Variants in RNLS observed in about 807,000 individuals in gnomAD.
RNLS encodes renalase, FAD dependent amine oxidase, also known as renalase.
In RNLS, 39 loss-of-function variants were observed where a neutral mutation model predicts 39.8. The observed-to-expected ratio is 0.98, with a 90% CI of 0.76 to 1.28. The LOEUF (loss-of-function observed/expected upper bound fraction) is 1.28, where lower values mean the gene tolerates loss of function less well. RNLS is among the 50% of genes most tolerant of loss of function. The probability of loss-of-function intolerance (pLI) is 0.00; values close to 1 mark genes in which losing one functional copy is unlikely to be tolerated. For synonymous variants in RNLS, 147 were observed against 150.7 expected (o/e 0.98, Z 0.18); for missense variants, 410 against 413.3 (o/e 0.99, Z 0.07).
intron 4 of RNLS, among the ~76,000 whole-genome samples, chr10:88,403,442 T>A (rs1853061714): frequency 6.6e-6 from 1 of 152,068 alleles, no homozygotes; most frequent in East Asian, 1.9e-4. Context: ...CAAGTACCTT[T>A]ATCTTGGAGA....
chr10:88,260,376 G>A, the RNLS span, among the ~76,000 whole-genome samples: 2 of 152,276 alleles, frequency 1.3e-5, no homozygotes, highest in African/African-American at 4.8e-5. Flanking sequence ...ATAGTGTCAA[G>A]GGCTTTATCT....
At chr10:88,428,734 A>C (rs138336836) in intron 4 of RNLS, among the ~76,000 whole-genome samples, 16 of 152,104 alleles carry the variant, frequency 1.1e-4, no homozygotes, top group African/African-American at 2.6e-4. Flanking sequence ...GAAGTGATTC[A>C]TCTATTTAGA....
intron 5 of RNLS, among the ~76,000 whole-genome samples, chr10:88,355,365 A>C (rs1489203167): frequency 6.6e-6 from 1 of 151,994 alleles, no homozygotes. Context: ...TTGGTCTTTG[A>C]TGATGCTGAC....
At chr10:88,382,416 A>AAAT (rs1554878063) in intron 4 of RNLS, among the ~76,000 whole-genome samples, 1 of 152,162 alleles carries the variant, frequency 6.6e-6, no homozygotes, top group Non-Finnish European at 1.5e-5. Flanking sequence ...TAGAAATAAA[A>AAAT]AATTAAATTG....
At chr10:88,234,355 C>T in the RNLS span, among the ~76,000 whole-genome samples, 1 of 152,016 alleles carries the variant, frequency 6.6e-6, no homozygotes, top group Non-Finnish European at 1.5e-5. Context: ...TGAATTTGGC[C>T]ATTTGCTGCA....
chr10:88,205,954 G>A, the RNLS span, among the ~76,000 whole-genome samples: 1 of 152,298 alleles, frequency 6.6e-6, no homozygotes, highest in Middle Eastern at 3.4e-3. Flanking sequence ...CAACAGAGTA[G>A]CCTCAGAATG....
At chr10:88,523,000 C>T (rs536825891) in intron 4 of RNLS, among the ~76,000 whole-genome samples, 2 of 152,190 alleles carry the variant, frequency 1.3e-5, no homozygotes, top group East Asian at 3.9e-4. Flanking sequence ...AGTGGCATTT[C>T]CCTCTCTCTG....
chr10:88,453,381 C>T (rs1842458591), intron 4 of RNLS, among the ~76,000 whole-genome samples: 1 of 152,220 alleles, frequency 6.6e-6, no homozygotes, highest in Non-Finnish European at 1.5e-5. Flanking sequence ...ATAGAAGGGT[C>T]TAAAGGCCTG....
At chr10:88,244,932 G>A in the RNLS span, among the ~76,000 whole-genome samples, 2 of 152,100 alleles carry the variant, frequency 1.3e-5, no homozygotes, top group South Asian at 2.1e-4. Flanking sequence ...CAAAGTACAG[G>A]AACCGAGCCT....
intron 4 of RNLS, among the ~76,000 whole-genome samples, chr10:88,387,289 C>T (rs1851920549): frequency 6.6e-6 from 1 of 152,080 alleles, no homozygotes; most frequent in Admixed American, 6.6e-5. Context: ...GCAAGCAAGT[C>T]AGCTTTTAGA....
intron 4 of RNLS, among the ~76,000 whole-genome samples, chr10:88,423,678 G>A (rs532018077): frequency 6.6e-6 from 1 of 152,254 alleles, no homozygotes; most frequent in East Asian, 1.9e-4. Flanking sequence ...TGACTATATT[G>A]GCAATCTTGC....
intron 4 of RNLS, among the ~76,000 whole-genome samples, chr10:88,503,133 C>T (rs1437617158): frequency 6.6e-6 from 1 of 152,172 alleles, no homozygotes; most frequent in Non-Finnish European, 1.5e-5. Context: ...GTAATCCCAG[C>T]ACTCTGGGAG....
chr10:88,216,235 C>T, the RNLS span, among the ~76,000 whole-genome samples: 1 of 152,186 alleles, frequency 6.6e-6, no homozygotes, highest in East Asian at 1.9e-4. Flanking sequence ...CATCAGGCTA[C>T]AGAAGCTCTT....
At chr10:88,519,995 G>A (rs188229208) in intron 4 of RNLS, among the ~76,000 whole-genome samples, 1 of 152,040 alleles carries the variant, frequency 6.6e-6, no homozygotes, top group African/African-American at 2.4e-5. Context: ...CAGTGAACCT[G>A]AGTCCCCGAA....
chr10:88,410,446 T>C (rs969762197), intron 4 of RNLS, among the ~76,000 whole-genome samples: 2 of 152,138 alleles, frequency 1.3e-5, no homozygotes, highest in Admixed American at 6.6e-5. Flanking sequence ...GTATACTCTC[T>C]TGACATTTTG....
intron 4 of RNLS, among the ~76,000 whole-genome samples, chr10:88,559,883 G>A (rs1193092235): frequency 6.6e-6 from 1 of 151,864 alleles, no homozygotes; most frequent in Non-Finnish European, 1.5e-5. Flanking sequence ...AAAACTACGA[G>A]CACATGTAAT....
At chr10:88,444,970 G>A (rs554752078) in intron 4 of RNLS, among the ~76,000 whole-genome samples, 31 of 152,134 alleles carry the variant, frequency 2.0e-4, no homozygotes, top group African/African-American at 6.5e-4. Context: ...TACAGAGAAT[G>A]CCATAAAGAT....
At chr10:88,576,222 T>G (rs968408942) in intron 3 of RNLS, among the ~76,000 whole-genome samples, 3 of 152,224 alleles carry the variant, frequency 2.0e-5, no homozygotes, top group Admixed American at 2.0e-4. Flanking sequence ...TAGTTTAATG[T>G]CTTTTCTTCC....
chr10:88,280,754 T>G (rs1842982442), downstream of RNLS, among the ~76,000 whole-genome samples: 1 of 152,184 alleles, frequency 6.6e-6, no homozygotes, highest in Non-Finnish European at 1.5e-5. Context: ...GGTATGCAAA[T>G]TCTATGTGCT....
Sources: gnomAD v4.1 joint callset for allele counts (sites outside exome capture counted in the v4.1 genomes callset) on GRCh38, gnomAD v4.1.1 for gene constraint, MANE v1.5 for transcripts, NCBI Gene and HGNC (gene_info 2026-07-23, HGNC 2026-07-21) for gene names.